Variants in ZNF438 observed in about 807,000 individuals in gnomAD.
The protein encoded by ZNF438 is zinc finger protein 438.
A neutral mutation model predicts 38.0 loss-of-function variants in ZNF438; 25 were observed. The ratio of observed to expected loss-of-function variants is 0.66; its 90% confidence interval spans 0.48 to 0.92. ZNF438 has a LOEUF of 0.92. Ranked by LOEUF, ZNF438 falls within the 40% of genes least tolerant of loss-of-function variation. The pLI is 0.00. For missense variants in ZNF438, 1,007 were observed against 999.6 expected (o/e 1.01, Z -0.10); for synonymous variants, 372 against 364.1 (o/e 1.02, Z -0.25).
At chr10:30,996,369 C>A (rs559612308) in intron 1 of ZNF438, among the ~76,000 whole-genome samples, 68 of 152,142 alleles carry the variant, frequency 4.5e-4, no homozygotes, top group African/African-American at 1.6e-3. Context: ...ACAGAAGACA[C>A]ATTTTAGGTT....
chr10:30,900,565 C>T, intron 3 of ZNF438, among the ~76,000 whole-genome samples: 1 of 152,196 alleles, frequency 6.6e-6, no homozygotes, highest in East Asian at 1.9e-4. Context: ...ACGCTAATTT[C>T]TTTAATTCTC....
chr10:30,869,544 T>C (rs72814440), intron 4 of ZNF438, among the ~76,000 whole-genome samples: 348 of 152,370 alleles, frequency 2.3e-3, no homozygotes, highest in Non-Finnish European at 3.7e-3. Context: ...ACCCAGGTCA[T>C]TTCCATTTAT....
At chr10:30,857,707 A>C in intron 4 of ZNF438, 2 of 1,505,910 alleles carry the variant, frequency 1.3e-6, no homozygotes, top group Non-Finnish European at 1.8e-6. Context: ...GAAATCCAGA[A>C]AGGCTGTTGG....
intron 4 of ZNF438, among the ~76,000 whole-genome samples, chr10:30,862,613 G>C (rs1380337963): frequency 6.6e-6 from 1 of 152,180 alleles, no homozygotes. Context: ...CCTACTTTTA[G>C]TTTTCAATAG....
chr10:30,901,925 G>A (rs528446997), intron 3 of ZNF438, among the ~76,000 whole-genome samples: 1 of 151,726 alleles, frequency 6.6e-6, no homozygotes, highest in African/African-American at 2.4e-5. Flanking sequence ...TTCGCTGTGA[G>A]TGTTACAGCT....
intron 1 of ZNF438, among the ~76,000 whole-genome samples, chr10:31,008,401 T>C (rs1431847630): frequency 6.6e-6 from 1 of 152,132 alleles, no homozygotes; most frequent in Non-Finnish European, 1.5e-5. Context: ...ATTTTTATCA[T>C]CCCAAAATGA....
At chr10:31,028,823 A>G (rs1378112177) in intron 1 of ZNF438, among the ~76,000 whole-genome samples, 1 of 152,188 alleles carries the variant, frequency 6.6e-6, no homozygotes, top group Non-Finnish European at 1.5e-5. Context: ...AGAGAAGTCA[A>G]AGAGACAGAC....
chr10:31,026,497 T>C (rs1281682600), intron 1 of ZNF438, among the ~76,000 whole-genome samples: 1 of 152,210 alleles, frequency 6.6e-6, no homozygotes, highest in African/African-American at 2.4e-5. Flanking sequence ...AAAATGCTCA[T>C]CATCACTGGC....
intron 4 of ZNF438, among the ~76,000 whole-genome samples, chr10:30,873,316 G>C (rs7069083): frequency 0.012 from 1,835 of 152,080 alleles, 44 homozygotes; most frequent in African/African-American, 0.042. Context: ...GTTTATAATA[G>C]AAAAATCTGT....
intron 1 of ZNF438, among the ~76,000 whole-genome samples, chr10:30,995,206 C>A (rs1446268248): frequency 6.6e-6 from 1 of 152,090 alleles, no homozygotes; most frequent in Non-Finnish European, 1.5e-5. Context: ...AGACACATTA[C>A]AGGCAAAATC....
chr10:31,022,620 C>T (rs1168944313), intron 1 of ZNF438, among the ~76,000 whole-genome samples: 1 of 152,150 alleles, frequency 6.6e-6, no homozygotes, highest in African/African-American at 2.4e-5. Flanking sequence ...CTCAGCAAAT[C>T]AATGAGATGC....
intron 1 of ZNF438, among the ~76,000 whole-genome samples, chr10:31,000,736 C>A (rs2054566439): frequency 6.6e-6 from 1 of 151,306 alleles, no homozygotes. Context: ...AATTTAAAAT[C>A]TGGGGATGCT....
chr10:30,958,683 T>C (rs1271493652), intron 1 of ZNF438, among the ~76,000 whole-genome samples: 8 of 146,958 alleles, frequency 5.4e-5, no homozygotes, highest in African/African-American at 1.9e-4. Flanking sequence ...AGTTTTCCAT[T>C]ATCTCTCCCA....
chr10:30,938,261 A>G (rs2046455638), intron 2 of ZNF438, among the ~76,000 whole-genome samples: 1 of 150,836 alleles, frequency 6.6e-6, no homozygotes, highest in Non-Finnish European at 1.5e-5. Flanking sequence ...CCAACCTGGA[A>G]TATCATTTCC....
intron 3 of ZNF438, 80 bp from the exon 5 acceptor site, chr10:30,877,145 A>C: frequency 5.2e-6 from 4 of 764,286 alleles, no homozygotes; most frequent in Non-Finnish European, 7.7e-6. Flanking sequence ...AGAAATTCTA[A>C]GCTGTTTTTT....
rs73249045 is a variant in ZNF438, at chr10:30,895,144, T to A, written c.-32+13789A>T. On this transcript the variant is annotated intron_variant, in intron 3 of 5. Coordinates refer to ENST00000413025, the Ensembl canonical transcript of ZNF438. Reference sequence around the variant, plus strand: ...TAGTTTACTTGTGGATACTCAAGGATCCTAATTAAAAGGATACAACTAGGT... The same window carrying A: ...TAGTTTACTTGTGGATACTCAAGGAACCTAATTAAAAGGATACAACTAGGT... Among the ~76,000 whole-genome samples, 309 of 152,318 alleles carry A rather than the reference T, an allele frequency of 2.0e-3. 1 individual carries two copies. The highest frequency in any genetic ancestry group is 7.0e-3 in the African/African-American group (289 of 41,574).
intron 3 of ZNF438, among the ~76,000 whole-genome samples, chr10:30,881,752 C>T (rs1433237420): frequency 6.6e-6 from 1 of 151,230 alleles, no homozygotes; most frequent in Non-Finnish European, 1.5e-5. Flanking sequence ...ATCAATGCAA[C>T]AAAATAGAGA....
intron 4 of ZNF438, among the ~76,000 whole-genome samples, chr10:30,851,300 T>C (rs1376242490): frequency 6.6e-6 from 1 of 152,238 alleles, no homozygotes; most frequent in African/African-American, 2.4e-5. Flanking sequence ...AGAGAACAAT[T>C]AAGGAAACAT....
At chr10:30,939,869 G>C (rs979236197) in intron 2 of ZNF438, among the ~76,000 whole-genome samples, 1 of 152,208 alleles carries the variant, frequency 6.6e-6, no homozygotes, top group African/African-American at 2.4e-5. Flanking sequence ...GCTGGTACCA[G>C]TGAGTTAAAT....
Sources: gnomAD v4.1 joint callset for allele counts (sites outside exome capture counted in the v4.1 genomes callset) on GRCh38, gnomAD v4.1.1 for gene constraint, MANE v1.5 for transcripts, NCBI Gene and HGNC (gene_info 2026-07-23, HGNC 2026-07-21) for gene names.